ENTPD6: variants seen among roughly 807,000 people sequenced by gnomAD.
ENTPD6 encodes the protein ectonucleoside triphosphate diphosphohydrolase 6, also known as CD39 antigen-like 2.
Under a neutral mutation model 61.5 loss-of-function variants are expected in ENTPD6, and 46 were observed. The ratio of observed to expected loss-of-function variants is 0.75; its 90% CI spans 0.59 to 0.96. The LOEUF (loss-of-function observed/expected upper bound fraction) is 0.96, where lower values mean the gene tolerates loss of function less well. Ranked by LOEUF, ENTPD6 falls within the 40% of genes least tolerant of loss-of-function variation. The pLI, the probability that ENTPD6 is intolerant of heterozygous loss-of-function variation, is 0.00. For missense variants in ENTPD6, 612 were observed against 629.0 expected, an observed-to-expected ratio of 0.97 and a Z score of 0.29; for synonymous variants, 252 against 255.5, an observed-to-expected ratio of 0.99 and a Z score of 0.13.
At chr20:25,214,779 C>G in intron 5 of ENTPD6, 88 bp from the exon 6 acceptor site, 1 of 845,382 alleles carries the variant, frequency 1.2e-6, no homozygotes, top group Non-Finnish European at 2.0e-6. Flanking sequence ...ACCCACACTG[C>G]TTCACTTGAC....
chr20:25,217,714 C>A, intron 9 of ENTPD6, 133 bp downstream of exon 9: 1 of 744,162 alleles, frequency 1.3e-6, no homozygotes. Context: ...CCAGACCTCT[C>A]TCTCCTCCTC....
chr20:25,209,269 C>T (rs1180086488), intron 3 of ENTPD6, among the ~76,000 whole-genome samples: 1 of 151,920 alleles, frequency 6.6e-6, no homozygotes, highest in Non-Finnish European at 1.5e-5. Context: ...GCCACCACGC[C>T]CAGCTAGTTT....
chr20:25,213,068 T>C (rs1178097406), intron 4 of ENTPD6, among the ~76,000 whole-genome samples, 195 bp from the exon 5 acceptor site: 1 of 152,028 alleles, frequency 6.6e-6, no homozygotes, highest in Non-Finnish European at 1.5e-5. Flanking sequence ...CTTGGGAGGC[T>C]GAGGAAGGAG....
chr20:25,214,139 C>G (rs886783857), intron 5 of ENTPD6, among the ~76,000 whole-genome samples: 5 of 152,220 alleles, frequency 3.3e-5, no homozygotes, highest in African/African-American at 9.6e-5. Flanking sequence ...CCCAGCACGT[C>G]AGGGCCAATG....
chr20:25,206,528 G>A lies in ENTPD6; in HGVS notation c.-9G>A. On this transcript the variant is annotated 5_prime_UTR_variant, in exon 2 of 15. Transcript: ENST00000376652. ...ATTATTTTCTCCTTGGCAGGAATGGGCTATGTGAATGAAAAAAGGTATCCG... is the reference window on the plus strand; with the variant it reads ...ATTATTTTCTCCTTGGCAGGAATGGACTATGTGAATGAAAAAAGGTATCCG... 1 of 1,612,868 alleles carries A rather than the reference G, an allele frequency of 6.2e-7. No homozygotes were observed. Among genetic ancestry groups the A allele is most frequent in the South Asian group, 1.1e-5 (1 of 91,060 alleles).
At chr20:25,216,526 C>A in intron 7 of ENTPD6, 122 bp from the exon 8 acceptor site, 1 of 673,142 alleles carries the variant, frequency 1.5e-6, no homozygotes, top group South Asian at 1.8e-5. Flanking sequence ...GGAGATTTGT[C>A]AATAGCTGAG....
intron 7 of ENTPD6, among the ~76,000 whole-genome samples, chr20:25,216,387 C>T (rs1297518175): frequency 6.6e-6 from 1 of 152,186 alleles, no homozygotes; most frequent in African/African-American, 2.4e-5. Flanking sequence ...CCAGCGGCCT[C>T]CCTCCCAGCT....
At chr20:25,218,455 T>A in intron 9 of ENTPD6, 95 bp from the exon 10 acceptor site, 1 of 1,150,494 alleles carries the variant, frequency 8.7e-7, no homozygotes, top group Non-Finnish European at 1.3e-6. Flanking sequence ...TGCTGCAAGC[T>A]CCCCCTTCCC....
chr20:25,222,961 C>G lies in ENTPD6; in HGVS notation c.1169C>G (p.Ala390Gly). ...YAFSYYYDLAAGVGLIDAEKG... is the reference protein window; with the variant it reads ...YAFSYYYDLAGGVGLIDAEKG... ...TTCTCCTACTATTACGACCTTGCAG[C>G]TGGTGTGGGCCTCATAGGTAAGGGG... The change falls in exon 12 of 15, where the codon GCT (alanine) becomes GGT (glycine). Residue 390 changes from alanine (A) to glycine (G), a missense_variant. Ala to Gly is a moderately conservative substitution (Grantham distance 60). Transcript: ENST00000376652. The G allele has an allele frequency of 6.7e-7, 1 of 1,494,580 alleles. No homozygotes were observed. The highest frequency in any genetic ancestry group is 9.0e-7 in the Non-Finnish European group (1 of 1,106,166). The allele number at this position is 1,494,580 out of a possible 1,614,324, so 92.6% of individuals were successfully genotyped here. A position where few individuals can be genotyped will look rare whatever the true frequency, so the allele number is the denominator to read the frequency against.
rs182067559 is a variant in ENTPD6, at chr20:25,207,064, C to G, written c.55-12C>G. The G allele has an allele frequency of 9.6e-5, 153 of 1,590,794 alleles. No homozygotes were observed. The highest frequency in any genetic ancestry group is 8.9e-4 in the African/African-American group (66 of 74,548). On this transcript the variant is annotated splice_polypyrimidine_tract_variant and intron_variant, in intron 2 of 14. Transcript: ENST00000376652. ...TAACGTGCTTTTCCTGCCTCTCCCC[C>G]CTTCCCACCAGCAGCCGCAGCACGG... is the stretch of plus-strand genomic sequence containing the variant.
In ENTPD6 at chr20:25,207,112, A is replaced by G. The variant is rs1328298452; in HGVS notation, c.91A>G (p.Lys31Glu). The G allele has an allele frequency of 1.9e-6, 3 of 1,613,316 alleles. No homozygotes were observed. The highest frequency in any genetic ancestry group is 8.5e-7 in the Non-Finnish European group (1 of 1,179,518). ...CGGTCCTTGGCAAACAAGGATGAGA[A>G]AAATATCCAACCACGGGAGCCTGCG... ...QHGPWQTRMRKISNHGSLRVA... is the reference protein window; with the variant it reads ...QHGPWQTRMREISNHGSLRVA... The change falls in exon 3 of 15, where the codon AAA (lysine) becomes GAA (glutamate). Residue 31 changes from lysine to glutamate, a missense_variant. Physicochemically the swap from Lys to Glu is moderately conservative, Grantham distance 56. Transcript: ENST00000376652.
chr20:25,196,172 C>T (rs2090379690), intron 1 of ENTPD6: 6 of 1,207,982 alleles, frequency 5.0e-6, no homozygotes, highest in Non-Finnish European at 6.2e-6. Context: ...TGCGGACCCG[C>T]CCCCAGTCTG....
chr20:25,204,294 A>C (rs1466527587), intron 1 of ENTPD6, among the ~76,000 whole-genome samples: 1 of 151,934 alleles, frequency 6.6e-6, no homozygotes, highest in Admixed American at 6.6e-5. Context: ...CCAATTTTTC[A>C]TTGCTGTTTG....
At chr20:25,216,808 C>T in intron 8 of ENTPD6, 72 bp downstream of exon 8, 1 of 1,214,792 alleles carries the variant, frequency 8.2e-7, no homozygotes, top group Non-Finnish European at 1.2e-6. Flanking sequence ...CAGGGTGGGG[C>T]CTGCTGAGGT....
At chr20:25,208,396 A>C (rs200796405) in intron 3 of ENTPD6, among the ~76,000 whole-genome samples, 1 of 152,328 alleles carries the variant, frequency 6.6e-6, no homozygotes, top group Non-Finnish European at 1.5e-5. Context: ...CAGTGAGCCA[A>C]GATCACACCA....
intron 6 of ENTPD6, 122 bp from the exon 7 acceptor site, chr20:25,215,554 G>A (rs768421916): frequency 1.5e-5 from 14 of 920,368 alleles, no homozygotes; most frequent in Admixed American, 8.9e-5. Flanking sequence ...TGAAGGCTGG[G>A]TGTAGTGCGG....
intron 4 of ENTPD6, among the ~76,000 whole-genome samples, chr20:25,211,610 A>T (rs142855900): frequency 6.6e-5 from 10 of 152,312 alleles, no homozygotes; most frequent in African/African-American, 2.4e-4. Flanking sequence ...GAGAGCGTTT[A>T]TGTCGGCATG....
chr20:25,227,603 T>C lies in ENTPD6; in HGVS notation c.*2006T>C, dbSNP rs2092818113. 6.6e-6 allele frequency among the ~76,000 whole-genome samples: 1 copy of C among 152,170 alleles called. No homozygotes were observed. The highest frequency in any genetic ancestry group is 2.1e-4 in the South Asian group (1 of 4,828). On this transcript the variant is annotated 3_prime_UTR_variant, in exon 15 of 15. Transcript: ENST00000376652. ...ACATCGTAAAAGAAGCAAACTAGGG[T>C]TGCTTGAAAATTCTGTTCCCTCAGG... is the stretch of plus-strand genomic sequence containing the variant.
In ENTPD6 at chr20:25,210,095, G is replaced by A. The variant is rs1033556615; in HGVS notation, c.453+170G>A. On this transcript the variant is annotated intron_variant, in intron 4 of 14. Transcript: ENST00000376652. ...AGAAGAGAGAAGGTGTGCAGCGCGCGAGCCCAGAGGAGAACGCGCCCCCAC... is the reference window on the plus strand; with the variant it reads ...AGAAGAGAGAAGGTGTGCAGCGCGCAAGCCCAGAGGAGAACGCGCCCCCAC... Among the ~76,000 whole-genome samples the A allele has an allele frequency of 1.4e-4, 21 of 152,194 alleles. 1 individual carries two copies. Among genetic ancestry groups the A allele is most frequent in the Admixed American group, 1.2e-3 (19 of 15,286 alleles).
Sources: allele counts gnomAD v4.1 joint callset (sites outside exome capture counted in the v4.1 genomes callset), GRCh38; gene constraint gnomAD v4.1.1; transcripts MANE v1.5; gene names NCBI Gene and HGNC (gene_info 2026-07-23, HGNC 2026-07-21).